CBFA2T2: variants seen among roughly 807,000 people sequenced by gnomAD.
CBFA2T2 encodes protein CBFA2T2.
CBFA2T2 carries 11 observed loss-of-function variants against 62.2 expected under a neutral mutation model. The ratio of observed to expected loss-of-function variants is 0.18; its 90% CI spans 0.11 to 0.29. The LOEUF is 0.29. Among genes scored for constraint, CBFA2T2 ranks in the 10% least tolerant of loss-of-function variants. CBFA2T2 has a pLI of 1.00. For synonymous variants in CBFA2T2, 295 were observed against 287.5 expected, an observed-to-expected ratio of 1.03 and a Z score of -0.27; for missense variants, 592 against 774.1, an observed-to-expected ratio of 0.76 and a Z score of 2.79.
At position 33,606,491 on chromosome 20, in the gene CBFA2T2, G is replaced by A. The variant is rs79839531; in HGVS notation, c.35-465G>A. Among the ~76,000 whole-genome samples the A allele has an allele frequency of 4.9e-3, 751 of 152,196 alleles. 1 individual carries two copies. Among genetic ancestry groups the A allele is most frequent in the South Asian group, 0.011 (51 of 4,814 alleles). ...GTATCAGCAAGGTTGATTCCTTCCC[G>A]GGGTTTCAGAGGACAAATGTGTCCC... On this transcript the variant is annotated intron_variant, in intron 1 of 10. Transcript: ENST00000342704.
chr20:33,626,120 C>CA (rs1470975794), intron 6 of CBFA2T2, among the ~76,000 whole-genome samples: 4 of 151,496 alleles, frequency 2.6e-5, no homozygotes, highest in African/African-American at 4.9e-5. Flanking sequence ...CAAAACCAAA[C>CA]AAAAAACAAA....
chr20:33,500,059 A>G (rs865788948), intron 1 of CBFA2T2, among the ~76,000 whole-genome samples: 1 of 151,950 alleles, frequency 6.6e-6, no homozygotes, highest in Non-Finnish European at 1.5e-5. Flanking sequence ...CCGAGGTTCA[A>G]GCAGTTCTGT....
At chr20:33,619,922 T>C (rs1204196856) in intron 4 of CBFA2T2, among the ~76,000 whole-genome samples, 1 of 152,156 alleles carries the variant, frequency 6.6e-6, no homozygotes, top group East Asian at 1.9e-4. Context: ...AAGAAATAAC[T>C]GGTCACTAAT....
At chr20:33,551,041 A>G (rs1274125495) in intron 1 of CBFA2T2, among the ~76,000 whole-genome samples, 1 of 152,188 alleles carries the variant, frequency 6.6e-6, no homozygotes, top group Non-Finnish European at 1.5e-5. Flanking sequence ...TAAGTCTTTA[A>G]GTATGGATAG....
intron 1 of CBFA2T2, among the ~76,000 whole-genome samples, chr20:33,557,926 A>C (rs1352282126): frequency 2.0e-5 from 3 of 148,254 alleles, no homozygotes; most frequent in Non-Finnish European, 4.5e-5. Flanking sequence ...ACCTCCGCCT[A>C]CTGGGTTCAA....
intron 1 of CBFA2T2, among the ~76,000 whole-genome samples, chr20:33,591,322 T>A (rs551460660): frequency 1.3e-5 from 2 of 149,956 alleles, no homozygotes; most frequent in South Asian, 4.2e-4. Flanking sequence ...CATTTCTACT[T>A]AAAATAGAAA....
At chr20:33,536,149 A>G (rs1176753570) in intron 1 of CBFA2T2, among the ~76,000 whole-genome samples, 1 of 152,016 alleles carries the variant, frequency 6.6e-6, no homozygotes, top group Non-Finnish European at 1.5e-5. Flanking sequence ...CAAAACCGCC[A>G]TTGTCATCCC....
chr20:33,493,131 A>G (rs2011161929), intron 1 of CBFA2T2, among the ~76,000 whole-genome samples: 1 of 136,274 alleles, frequency 7.3e-6, no homozygotes, highest in East Asian at 2.2e-4. Context: ...GCTGGCGTGC[A>G]ATGGCATGAT....
intron 1 of CBFA2T2, among the ~76,000 whole-genome samples, chr20:33,494,258 TATATATATATA>T (rs1474679535): frequency 1.2e-4 from 9 of 78,152 alleles, no homozygotes; most frequent in African/African-American, 4.4e-4. Context: ...TATATATATA[TATATATATATA>T]TATATTTTTT....
At chr20:33,497,002 G>A (rs1160035185) in intron 1 of CBFA2T2, among the ~76,000 whole-genome samples, 3 of 152,120 alleles carry the variant, frequency 2.0e-5, no homozygotes, top group African/African-American at 4.8e-5. Context: ...GGCCGGGTGC[G>A]GTGGCTCATG....
chr20:33,639,522 A>C (rs12625805), intron 9 of CBFA2T2: 21,470 of 151,718 alleles, frequency 0.14, 1,976 homozygotes, highest in East Asian at 0.39. Flanking sequence ...TGCAGTGAGC[A>C]GAGATTACGC....
intron 10 of CBFA2T2, among the ~76,000 whole-genome samples, chr20:33,642,415 T>C (rs2122398339): frequency 6.6e-6 from 1 of 152,010 alleles, no homozygotes; most frequent in African/African-American, 2.4e-5. Flanking sequence ...CAGCCTTGGC[T>C]AGATGGTGAG....
intron 10 of CBFA2T2, among the ~76,000 whole-genome samples, chr20:33,643,595 A>G (rs1364232854): frequency 6.6e-6 from 1 of 151,334 alleles, no homozygotes; most frequent in Non-Finnish European, 1.5e-5. Flanking sequence ...TCGTTGAGTC[A>G]GATTATCAGT....
intron 1 of CBFA2T2, among the ~76,000 whole-genome samples, chr20:33,595,042 G>C (rs1432311068): frequency 6.6e-6 from 1 of 152,208 alleles, no homozygotes; most frequent in Non-Finnish European, 1.5e-5. Flanking sequence ...TTTCAGGTCA[G>C]CTGTGTTGCT....
intron 1 of CBFA2T2, among the ~76,000 whole-genome samples, chr20:33,548,312 C>T (rs541821937): frequency 3.3e-5 from 5 of 151,352 alleles, no homozygotes; most frequent in South Asian, 2.1e-4. Context: ...GTCACGCAAT[C>T]GGCTCACTGC....
chr20:33,568,156 A>T (rs1359492620), intron 1 of CBFA2T2, among the ~76,000 whole-genome samples: 1 of 152,220 alleles, frequency 6.6e-6, no homozygotes, highest in Non-Finnish European at 1.5e-5. Flanking sequence ...TCAGCTGTAA[A>T]ATGGGAATAA....
intron 1 of CBFA2T2, among the ~76,000 whole-genome samples, chr20:33,556,946 T>C (rs1054308340): frequency 2.0e-5 from 3 of 150,566 alleles, no homozygotes; most frequent in Non-Finnish European, 4.4e-5. Flanking sequence ...TCTTTTGACA[T>C]ACCCCTGTCA....
chr20:33,545,643 C>T (rs1163319677), intron 1 of CBFA2T2, among the ~76,000 whole-genome samples: 1 of 152,118 alleles, frequency 6.6e-6, no homozygotes, highest in Non-Finnish European at 1.5e-5. Flanking sequence ...GATGGGCTTC[C>T]GCCATGTTGG....
intron 8 of CBFA2T2, among the ~76,000 whole-genome samples, chr20:33,636,151 C>T (rs903262730): frequency 2.7e-5 from 4 of 149,920 alleles, no homozygotes; most frequent in South Asian, 2.1e-4. Flanking sequence ...AGCTACCTCT[C>T]GGGAGGCTGA....
Sources: gnomAD v4.1 joint callset for allele counts (sites outside exome capture counted in the v4.1 genomes callset) on GRCh38, gnomAD v4.1.1 for gene constraint, MANE v1.5 for transcripts, NCBI Gene and HGNC (gene_info 2026-07-23, HGNC 2026-07-21) for gene names.